Variants in ZNG1F observed in about 807,000 individuals in gnomAD.
ZNG1F encodes the protein Zn regulated GTPase metalloprotein activator 1F.
the ZNG1F span, among the ~76,000 whole-genome samples, chr9:41,185,145 T>A: frequency 4.9e-5 from 2 of 40,604 alleles, no homozygotes; most frequent in East Asian, 1.5e-3. Context: ...TCTAGAGCTA[T>A]TTTTTTTTTT....
chr9:41,141,266 G>C, the ZNG1F span, among the ~76,000 whole-genome samples: 1 of 151,086 alleles, frequency 6.6e-6, no homozygotes, highest in South Asian at 2.1e-4. Flanking sequence ...ACAACTCATA[G>C]TTGGTTCTAA....
chr9:41,155,156 A>G, the ZNG1F span, among the ~76,000 whole-genome samples: 14 of 151,488 alleles, frequency 9.2e-5, no homozygotes, highest in African/African-American at 3.4e-4. Context: ...ACAAATTTAC[A>G]AGAAAAAAGC....
chr9:41,184,021 G>A, the ZNG1F span, among the ~76,000 whole-genome samples: 1 of 150,096 alleles, frequency 6.7e-6, no homozygotes, highest in Admixed American at 6.7e-5. Context: ...ACTGGATTCT[G>A]TATGCCCTTC....
chr9:41,187,784 A>G, the ZNG1F span, among the ~76,000 whole-genome samples: 4 of 75,460 alleles, frequency 5.3e-5, no homozygotes, highest in Non-Finnish European at 1.0e-4. Context: ...GTGTGTAGCT[A>G]AAGATGGACA....
At chr9:41,138,082 G>T in the ZNG1F span, among the ~76,000 whole-genome samples, 1 of 139,152 alleles carries the variant, frequency 7.2e-6, no homozygotes, top group Non-Finnish European at 1.5e-5. Flanking sequence ...TTGTTTTATA[G>T]GTCCTGTGAT....
chr9:41,160,433 T>TG, the ZNG1F span, among the ~76,000 whole-genome samples: 6 of 25,310 alleles, frequency 2.4e-4, 2 homozygotes, highest in Non-Finnish European at 6.2e-4. Flanking sequence ...TTTGTTTGTT[T>TG]TTTTTTTGAG....
chr9:41,150,097 G>A, the ZNG1F span, among the ~76,000 whole-genome samples: 1 of 50,790 alleles, frequency 2.0e-5, no homozygotes, highest in Non-Finnish European at 5.3e-5. Context: ...GACAGTGGGC[G>A]CAGGTCAGTG....
the ZNG1F span, among the ~76,000 whole-genome samples, chr9:41,189,804 CTTTT>C: frequency 2.1e-4 from 5 of 23,324 alleles, no homozygotes; most frequent in African/African-American, 9.2e-4. Flanking sequence ...ACAATTTTTT[CTTTT>C]TTTATTATTA....
At chr9:41,152,435 C>G in the ZNG1F span, among the ~76,000 whole-genome samples, 1 of 147,232 alleles carries the variant, frequency 6.8e-6, no homozygotes. Context: ...CAACATTAGA[C>G]AGATCAATGA....
At chr9:41,150,126 G>A in the ZNG1F span, among the ~76,000 whole-genome samples, 1 of 89,380 alleles carries the variant, frequency 1.1e-5, no homozygotes, top group Non-Finnish European at 2.5e-5. Context: ...CTCCATCCGC[G>A]AGCCAAAGCA....
the ZNG1F span, among the ~76,000 whole-genome samples, chr9:41,183,907 C>G: frequency 6.8e-6 from 1 of 147,086 alleles, no homozygotes; most frequent in Non-Finnish European, 1.5e-5. Context: ...ATAAACATAC[C>G]TACTTCCTCC....
the ZNG1F span, chr9:41,171,721 A>C: frequency 5.9e-6 from 2 of 338,824 alleles, no homozygotes; most frequent in Non-Finnish European, 9.8e-6. Flanking sequence ...ACTGCACTCC[A>C]GCCTGGGCAA....
At chr9:41,195,536 A>G in the ZNG1F span, among the ~76,000 whole-genome samples, 4 of 139,346 alleles carry the variant, frequency 2.9e-5, no homozygotes, top group African/African-American at 1.0e-4. Context: ...TGGTGGTTAA[A>G]CCATGCTATT....
chr9:41,185,648 G>A, the ZNG1F span, among the ~76,000 whole-genome samples: 1 of 151,872 alleles, frequency 6.6e-6, no homozygotes, highest in South Asian at 2.1e-4. Context: ...ACTCCAGCCT[G>A]GCAACAGAGA....
the ZNG1F span, among the ~76,000 whole-genome samples, chr9:41,156,092 GCATTTTCT>G: frequency 7.8e-6 from 1 of 128,852 alleles, no homozygotes; most frequent in Non-Finnish European, 1.6e-5. Flanking sequence ...TGTATTTCAT[GCATTTTCT>G]CATAGAAAGA....
At chr9:41,175,265 A>T in the ZNG1F span, among the ~76,000 whole-genome samples, 1 of 144,908 alleles carries the variant, frequency 6.9e-6, no homozygotes, top group African/African-American at 2.6e-5. Context: ...AGCAAGGGCC[A>T]CAAGATCTAA....
At chr9:41,144,652 TCACTTACACATCCCC>T in the ZNG1F span, among the ~76,000 whole-genome samples, 1 of 148,502 alleles carries the variant, frequency 6.7e-6, no homozygotes, top group African/African-American at 2.5e-5. Flanking sequence ...GGCACACTGC[TCACTTACACATCCCC>T]CACTCCACCC....
At chr9:41,185,849 CA>C in the ZNG1F span, 2 of 85,300 alleles carry the variant, frequency 2.3e-5, no homozygotes, top group African/African-American at 8.9e-5. Flanking sequence ...TAAATCTTAA[CA>C]GAAATTAATC....
chr9:41,185,542 G>A, the ZNG1F span, among the ~76,000 whole-genome samples: 3 of 147,076 alleles, frequency 2.0e-5, no homozygotes, highest in African/African-American at 2.5e-5. Context: ...GCATGGTGGC[G>A]CATGCCTGTA....
Sources: allele counts gnomAD v4.1 joint callset (sites outside exome capture counted in the v4.1 genomes callset), GRCh38; gene constraint gnomAD v4.1.1; transcripts MANE v1.5; gene names NCBI Gene and HGNC (gene_info 2026-07-23, HGNC 2026-07-21).